CAMKK1: variants seen among roughly 807,000 people sequenced by gnomAD.
CAMKK1 encodes the protein calcium/calmodulin dependent protein kinase kinase 1, also known as calcium/calmodulin-dependent protein kinase kinase 1.
CAMKK1 carries 20 observed loss-of-function variants against 63.5 expected under a neutral mutation model. That is an observed-to-expected ratio of 0.32 (90% confidence interval 0.22 to 0.46). The LOEUF (loss-of-function observed/expected upper bound fraction) is 0.46. Ranked by LOEUF, CAMKK1 falls within the 20% of genes least tolerant of loss-of-function variation. CAMKK1 has a pLI of 1.00. For missense variants in CAMKK1, 588 were observed against 658.1 expected, an observed-to-expected ratio of 0.89 and a Z score of 1.17; for synonymous variants, 253 against 269.0, an observed-to-expected ratio of 0.94 and a Z score of 0.58.
Position 3,890,520 on chromosome 17 carries a change from C to A in CAMKK1, c.-44+2419G>T, listed in dbSNP as rs1050092854. 4.6e-5 allele frequency among the ~76,000 whole-genome samples: 7 copies of A among 152,168 alleles called. No individual in the cohort carries two copies. Among genetic ancestry groups the A allele is most frequent in the Non-Finnish European group, 1.0e-4 (7 of 68,018 alleles). On this transcript the variant is annotated intron_variant, in intron 1 of 15. Coordinates refer to ENST00000348335, the MANE Select transcript of CAMKK1 (RefSeq NM_032294.3). The surrounding 1 kb of genome is among the most constrained non-coding windows in gnomAD (Gnocchi z 6.5). ...CGAGCAGCTCAGATCCAACAGGCCC[C>A]AGATTCAACTCAGCATCTTCCCCAA... is the stretch of plus-strand genomic sequence containing the variant.
intron 1 of CAMKK1, among the ~76,000 whole-genome samples, chr17:3,888,710 A>T (rs1255118326): frequency 6.6e-6 from 1 of 152,174 alleles, no homozygotes; most frequent in African/African-American, 2.4e-5. Flanking sequence ...GCGAGGGCTG[A>T]CGTCAGGCTC....
At chr17:3,863,824 T>C (rs1334143008) in intron 15 of CAMKK1, among the ~76,000 whole-genome samples, 1 of 152,228 alleles carries the variant, frequency 6.6e-6, no homozygotes. Context: ...AGGTACAAAC[T>C]AGACACTAAA....
intron 9 of CAMKK1, 91 bp from the exon 10 acceptor site, chr17:3,876,513 C>T (rs1026104071): frequency 5.4e-6 from 6 of 1,119,682 alleles, no homozygotes; most frequent in Admixed American, 3.7e-5. Context: ...GGACGCCGGC[C>T]GGGACATCCC....
chr17:3,864,175 T>A (rs928567552), intron 15 of CAMKK1, among the ~76,000 whole-genome samples: 1 of 151,000 alleles, frequency 6.6e-6, no homozygotes, highest in Admixed American at 6.6e-5. Flanking sequence ...GGTCTTGAAC[T>A]CCTGGCCTCA....
intron 15 of CAMKK1, among the ~76,000 whole-genome samples, chr17:3,864,158 C>G (rs576394342): frequency 1.3e-5 from 2 of 150,384 alleles, no homozygotes; most frequent in Non-Finnish European, 3.0e-5. Context: ...GCTATGTTGC[C>G]CAGGCTGGTC....
At chr17:3,881,739 G>T in intron 7 of CAMKK1, 91 bp from the exon 8 acceptor site, 1 of 1,112,580 alleles carries the variant, frequency 9.0e-7, no homozygotes, top group Non-Finnish European at 1.3e-6. Flanking sequence ...AGGAGAGGGG[G>T]CAGGCATGCA....
intron 2 of CAMKK1, 86 bp downstream of exon 2, chr17:3,885,242 C>A: frequency 1.4e-6 from 2 of 1,402,508 alleles, no homozygotes; most frequent in Non-Finnish European, 1.9e-6. Context: ...GCTAGATAGC[C>A]GTGTGGCACA....
intron 1 of CAMKK1, among the ~76,000 whole-genome samples, chr17:3,891,096 C>T (rs1008655105): frequency 7.8e-6 from 1 of 127,802 alleles, no homozygotes; most frequent in Non-Finnish European, 1.6e-5. Flanking sequence ...TGGCCTCAGA[C>T]TGGGGGCAAG....
rs370732140 is a variant in CAMKK1, at chr17:3,876,487, G to A, written c.797-65C>T. 2.2e-4 allele frequency: 312 copies of A among 1,422,560 alleles called. 2 individuals are homozygous for A. In the African/African-American group the frequency reaches 2.7e-3, roughly 12 times the overall value. The allele number at this position is 1,422,560 out of a possible 1,614,324, so 88.1% of individuals were successfully genotyped here. A position where few individuals can be genotyped will look rare whatever the true frequency, so the allele number is the denominator to read the frequency against. On this transcript the variant is annotated intron_variant, in intron 9 of 15. Coordinates refer to ENST00000348335, the MANE Select transcript of CAMKK1 (RefSeq NM_032294.3). ...CACCGCTGGCCAGGACCCCACACCC[G>A]TCCTTGCACAGCCAGGGACGCCGGC...
At position 3,883,021 on chromosome 17, in the gene CAMKK1, C is replaced by T. The variant is rs71366579; in HGVS notation, c.648+21G>A. The T allele has an allele frequency of 1.2e-6, 2 of 1,612,744 alleles. No homozygotes were observed. The highest frequency in any genetic ancestry group is 1.7e-6 in the Non-Finnish European group (2 of 1,179,288). Reference sequence around the variant, plus strand: ...ATGAGACTCAGGTGCTGGTTCCCACCTGCTCACCACCACCCCCTACCTCGA... The same window carrying T: ...ATGAGACTCAGGTGCTGGTTCCCACTTGCTCACCACCACCCCCTACCTCGA... On this transcript the variant is annotated intron_variant, in intron 6 of 15. Coordinates refer to ENST00000348335, the MANE Select transcript of CAMKK1 (RefSeq NM_032294.3). This position sits in a 1 kb window ranked among gnomAD's most constrained non-coding sequence, Gnocchi z 4.7.
Position 3,889,598 on chromosome 17 carries a change from T to C in CAMKK1, c.-44+3341A>G, listed in dbSNP as rs1462326155. ...AATGAGGTGTGGACACAGGAGTAGT[T>C]TGTGCCACAGCACTGTGGGGCTGGG... On this transcript the variant is annotated intron_variant, in intron 1 of 15. Coordinates refer to ENST00000348335, the MANE Select transcript of CAMKK1 (RefSeq NM_032294.3). The surrounding 1 kb of genome is among the most constrained non-coding windows in gnomAD (Gnocchi z 5.2). Among the ~76,000 whole-genome samples the C allele has an allele frequency of 6.6e-6, 1 of 152,088 alleles. No individual in the cohort carries two copies.
At chr17:3,864,803 C>T (rs1415607636) in intron 15 of CAMKK1, among the ~76,000 whole-genome samples, 1 of 152,212 alleles carries the variant, frequency 6.6e-6, no homozygotes, top group Non-Finnish European at 1.5e-5. Flanking sequence ...GGGTGCAAGC[C>T]ACCTCCAGCA....
chr17:3,862,240 C>A lies in CAMKK1; in HGVS notation c.1489G>T (p.Gly497Cys), dbSNP rs377752333. The change falls in exon 16 of 16, where the codon GGC (glycine) becomes TGC (cysteine). Residue 497 changes from glycine (G) to cysteine (C), a missense_variant. Transcript: ENST00000348335. This position sits in a 1 kb window ranked among gnomAD's most constrained non-coding sequence, Gnocchi z 4.1. ...GATGCAGCCTCGTCTTCCTGGACGC[C>A]GGGGAGCTCTGGGCTCTTGCCCCCT... ...GEGGKSPELP[G>C]VQEDEAAS 3 of 1,591,134 alleles carry A rather than the reference C, an allele frequency of 1.9e-6. No individual in the cohort carries two copies. Among genetic ancestry groups the A allele is most frequent in the East Asian group, 4.6e-5 (2 of 43,784 alleles).
At chr17:3,885,221 T>G in intron 2 of CAMKK1, 107 bp downstream of exon 2, 1 of 1,296,926 alleles carries the variant, frequency 7.7e-7, no homozygotes, top group Non-Finnish European at 1.0e-6. Context: ...TCTGAGGGTA[T>G]GCAAACCAAA....
intron 13 of CAMKK1, 44 bp downstream of exon 13, chr17:3,869,757 G>T (rs1354584579): frequency 6.2e-7 from 1 of 1,605,052 alleles, no homozygotes; most frequent in African/African-American, 1.3e-5. Context: ...AGTGACTCCT[G>T]TTTTCTGTGT....
At chr17:3,872,688 T>C in intron 11 of CAMKK1, 61 bp from the exon 12 acceptor site, 1 of 1,436,976 alleles carries the variant, frequency 7.0e-7, no homozygotes, top group Non-Finnish European at 9.8e-7. Flanking sequence ...TGCCAGGGGA[T>C]CAACCCCCCT....
intron 12 of CAMKK1, among the ~76,000 whole-genome samples, chr17:3,871,621 G>T (rs2054886458): frequency 6.7e-6 from 1 of 149,296 alleles, no homozygotes; most frequent in Admixed American, 6.6e-5. Context: ...CTCCCAAAGT[G>T]CTGGAATTAC....
intron 9 of CAMKK1, 91 bp downstream of exon 9, chr17:3,880,255 C>G (rs1016054041): frequency 9.2e-7 from 1 of 1,085,564 alleles, no homozygotes; most frequent in Admixed American, 1.9e-5. Context: ...CTCTGACTGA[C>G]GGGAGCTGCT....
chr17:3,866,276 A>G (rs1024406821), intron 14 of CAMKK1, among the ~76,000 whole-genome samples: 1 of 152,232 alleles, frequency 6.6e-6, no homozygotes, highest in Non-Finnish European at 1.5e-5. Context: ...AGGCTGAAAG[A>G]GTGGGGAGGG....
Sources: allele counts gnomAD v4.1 joint callset (sites outside exome capture counted in the v4.1 genomes callset), GRCh38; gene constraint gnomAD v4.1.1; non-coding constraint Gnocchi (gnomAD v3.1); transcripts MANE v1.5; gene names NCBI Gene and HGNC (gene_info 2026-07-23, HGNC 2026-07-21).